CTNNA3: variants seen among roughly 807,000 people sequenced by gnomAD.
CTNNA3 encodes the protein catenin alpha 3.
Under a neutral mutation model 95.7 loss-of-function variants are expected in CTNNA3, and 76 were observed. The observed-to-expected ratio is 0.79, with a 90% CI of 0.66 to 0.96. The LOEUF (loss-of-function observed/expected upper bound fraction) is 0.96. Ranked by LOEUF, CTNNA3 falls within the 40% of genes least tolerant of loss-of-function variation. The pLI is 0.00. For missense variants in CTNNA3, 1,191 were observed against 1,089.8 expected (o/e 1.09, Z -1.31); for synonymous variants, 431 against 374.4 (o/e 1.15, Z -1.74).
At chr10:67,205,685 T>C (rs1030787601) in intron 6 of CTNNA3, among the ~76,000 whole-genome samples, 2 of 152,164 alleles carry the variant, frequency 1.3e-5, no homozygotes, top group Non-Finnish European at 2.9e-5. Flanking sequence ...CTCACACTTG[T>C]ATATACAGAA....
chr10:66,999,195 C>T (rs1486687586), intron 7 of CTNNA3, among the ~76,000 whole-genome samples: 1 of 151,964 alleles, frequency 6.6e-6, no homozygotes, highest in Admixed American at 6.6e-5. Context: ...TTCATTAAGA[C>T]TTCAGTTATT....
chr10:66,626,732 G>C (rs1429012074), intron 9 of CTNNA3, among the ~76,000 whole-genome samples: 2 of 152,148 alleles, frequency 1.3e-5, no homozygotes, highest in Admixed American at 6.6e-5. Context: ...GGATAAGAGA[G>C]ATGGTAAGAG....
chr10:66,556,675 A>G lies in CTNNA3; in HGVS notation c.1375-35902T>C, dbSNP rs1315674210. 1.3e-5 allele frequency among the ~76,000 whole-genome samples: 2 copies of G among 152,084 alleles called. 1 individual carries two copies. Among genetic ancestry groups the G allele is most frequent in the Non-Finnish European group, 2.9e-5 (2 of 67,968 alleles). On this transcript the variant is annotated intron_variant, in intron 10 of 17. Transcript: ENST00000433211. ...TTATATGTGAAATACAAAAATGTCA[A>G]ATACATAGAAGCCAAAGAGTAGAAA...
chr10:67,265,960 A>C (rs1866808521), intron 5 of CTNNA3, among the ~76,000 whole-genome samples: 1 of 152,208 alleles, frequency 6.6e-6, no homozygotes, highest in Admixed American at 6.5e-5. Context: ...AAGGCCTAGA[A>C]ACAGATCTGC....
chr10:66,353,892 T>TAA (rs5785756), intron 12 of CTNNA3, among the ~76,000 whole-genome samples: 26 of 148,218 alleles, frequency 1.8e-4, no homozygotes, highest in East Asian at 9.9e-4. Context: ...GGGGAAAGAG[T>TAA]AAAAAAAAAA....
At chr10:66,647,255 C>T (rs368414675) in intron 9 of CTNNA3, among the ~76,000 whole-genome samples, 2 of 152,020 alleles carry the variant, frequency 1.3e-5, no homozygotes, top group African/African-American at 2.4e-5. Flanking sequence ...CTAATCATTC[C>T]ATCATTAATT....
intron 9 of CTNNA3, among the ~76,000 whole-genome samples, chr10:66,678,690 C>T (rs945316054): frequency 7.2e-5 from 11 of 152,166 alleles, no homozygotes; most frequent in Non-Finnish European, 1.5e-5. Context: ...GCTTAGTCAG[C>T]TCACTGAACT....
chr10:66,683,983 G>A (rs1236472682), intron 9 of CTNNA3, among the ~76,000 whole-genome samples: 1 of 152,180 alleles, frequency 6.6e-6, no homozygotes, highest in African/African-American at 2.4e-5. Flanking sequence ...AAAAAGATGG[G>A]ATTTTGGTCA....
intron 6 of CTNNA3, among the ~76,000 whole-genome samples, chr10:67,214,483 A>T (rs1864267253): frequency 6.6e-6 from 1 of 151,844 alleles, no homozygotes; most frequent in African/African-American, 2.4e-5. Context: ...TTAATTATAC[A>T]AAGTATACAT....
intron 1 of CTNNA3, among the ~76,000 whole-genome samples, chr10:67,689,098 T>C (rs1840791539): frequency 6.6e-6 from 1 of 152,138 alleles, no homozygotes. Context: ...CTAAGCATTA[T>C]CCTGTTAGTA....
chr10:65,973,723 G>C (rs1316386438), intron 16 of CTNNA3, among the ~76,000 whole-genome samples: 1 of 152,072 alleles, frequency 6.6e-6, no homozygotes, highest in African/African-American at 2.4e-5. Flanking sequence ...ACAGGTGCAC[G>C]ACGTGGGGAG....
chr10:66,708,185 G>A (rs1307043202), intron 9 of CTNNA3, among the ~76,000 whole-genome samples: 2 of 151,508 alleles, frequency 1.3e-5, no homozygotes, highest in East Asian at 3.9e-4. Flanking sequence ...AGGTCTAGAT[G>A]TGACTATCAT....
intron 1 of CTNNA3, among the ~76,000 whole-genome samples, chr10:67,760,027 T>G (rs1424408406): frequency 6.6e-6 from 1 of 152,186 alleles, no homozygotes; most frequent in Non-Finnish European, 1.5e-5. Context: ...TTTACGCCAC[T>G]AAGTTTATGG....
intron 7 of CTNNA3, among the ~76,000 whole-genome samples, chr10:66,886,797 A>G (rs1836726262): frequency 1.3e-5 from 2 of 152,172 alleles, no homozygotes; most frequent in South Asian, 4.1e-4. Context: ...ACGTCAGAAC[A>G]TGTCCTGAGA....
At chr10:66,839,799 A>G (rs1352147187) in intron 7 of CTNNA3, among the ~76,000 whole-genome samples, 1 of 152,166 alleles carries the variant, frequency 6.6e-6, no homozygotes. Flanking sequence ...GATATAATCC[A>G]CATATAAATA....
intron 7 of CTNNA3, among the ~76,000 whole-genome samples, chr10:67,089,467 A>G (rs1276271857): frequency 6.6e-6 from 1 of 152,086 alleles, no homozygotes; most frequent in Non-Finnish European, 1.5e-5. Flanking sequence ...TGGAATGCTA[A>G]AGAGTTCTAG....
At position 65,919,511 on chromosome 10, in the gene CTNNA3, G is replaced by A. The variant is rs2077050065; in HGVS notation, c.*819C>T. The A allele has an allele frequency of 6.6e-6, 1 of 152,086 alleles. No individual in the cohort carries two copies. The allele number at this position is 152,086 out of a possible 1,614,324, so 9.4% of individuals were successfully genotyped here. A position where few individuals can be genotyped will look rare whatever the true frequency, so the allele number is the denominator to read the frequency against. ...TGTTATTATTAATATAACTCACTTTGGGATATAGTTTGTTGTCTCATTTTC... is the reference window on the plus strand; with the variant it reads ...TGTTATTATTAATATAACTCACTTTAGGATATAGTTTGTTGTCTCATTTTC... On this transcript the variant is annotated 3_prime_UTR_variant, in exon 18 of 18. Transcript: ENST00000433211.
intron 13 of CTNNA3, among the ~76,000 whole-genome samples, chr10:66,139,014 T>C (rs1258165746): frequency 6.6e-6 from 1 of 152,186 alleles, no homozygotes; most frequent in Non-Finnish European, 1.5e-5. Context: ...AAAGCCAAAG[T>C]TTCCCCCAGG....
At chr10:66,975,718 T>C (rs1049135791) in intron 7 of CTNNA3, among the ~76,000 whole-genome samples, 5 of 152,160 alleles carry the variant, frequency 3.3e-5, no homozygotes, top group African/African-American at 1.2e-4. Context: ...GTTCGTCCTA[T>C]CTGCAGAGCA....
Sources: allele counts gnomAD v4.1 joint callset (sites outside exome capture counted in the v4.1 genomes callset), GRCh38; gene constraint gnomAD v4.1.1; transcripts MANE v1.5; gene names NCBI Gene and HGNC (gene_info 2026-07-23, HGNC 2026-07-21).